Variants in BICD1 observed in about 807,000 individuals in gnomAD.
BICD1 encodes BICD cargo adaptor 1, also known as protein bicaudal D homolog 1.
In BICD1, 35 loss-of-function variants were observed where a neutral mutation model predicts 92.5. The observed-to-expected ratio is 0.38, with a 90% CI of 0.29 to 0.50. The LOEUF (loss-of-function observed/expected upper bound fraction) is 0.50. Among genes scored for constraint, BICD1 ranks in the 20% least tolerant of loss-of-function variants. The probability of loss-of-function intolerance (pLI) is 0.93; values close to 1 mark genes in which losing one functional copy is unlikely to be tolerated. For missense variants in BICD1, 950 were observed against 1,189.8 expected (o/e 0.80, Z 2.97); for synonymous variants, 429 against 465.1 (o/e 0.92, Z 1.00).
At chr12:32,135,083 C>T (rs1383961695) in intron 1 of BICD1, among the ~76,000 whole-genome samples, 3 of 74,528 alleles carry the variant, frequency 4.0e-5, no homozygotes, top group South Asian at 4.1e-4. Context: ...TTCCCCGCTC[C>T]CCTCCTTTAT....
At chr12:32,116,190 C>T (rs1184829145) in intron 1 of BICD1, among the ~76,000 whole-genome samples, 2 of 151,886 alleles carry the variant, frequency 1.3e-5, no homozygotes, top group African/African-American at 4.8e-5. Context: ...AGCTCTAAAT[C>T]TCTGAGATGG....
intron 4 of BICD1, among the ~76,000 whole-genome samples, chr12:32,309,705 T>C (rs1781446264): frequency 6.6e-6 from 1 of 152,196 alleles, no homozygotes; most frequent in Non-Finnish European, 1.5e-5. Flanking sequence ...ACTGTCCTGT[T>C]GGGCGGCTGT....
chr12:32,128,685 A>G (rs1249409753), intron 1 of BICD1, among the ~76,000 whole-genome samples: 1 of 152,210 alleles, frequency 6.6e-6, no homozygotes, highest in Non-Finnish European at 1.5e-5. Context: ...TATATTTTCA[A>G]GCCAAAATAC....
At chr12:32,300,631 ATTTTTTTTTTTTTTTTT>A (rs34219566) in intron 3 of BICD1, among the ~76,000 whole-genome samples, 2 of 80,566 alleles carry the variant, frequency 2.5e-5, no homozygotes, top group African/African-American at 3.9e-5. Flanking sequence ...ACTTTACAGT[ATTTTTTTTTTTTTTTTT>A]TTTTTTTTTT....
chr12:32,376,881 G>T (rs900008341), intron 9 of BICD1, among the ~76,000 whole-genome samples: 11 of 144,218 alleles, frequency 7.6e-5, no homozygotes, highest in Non-Finnish European at 6.1e-5. Flanking sequence ...AAAAAAGGGG[G>T]GGGGGGGTGA....
intron 1 of BICD1, among the ~76,000 whole-genome samples, chr12:32,185,049 C>A (rs893460638): frequency 1.3e-5 from 2 of 152,170 alleles, no homozygotes; most frequent in Non-Finnish European, 2.9e-5. Context: ...ATAACCACCC[C>A]ACAAGAACTC....
intron 1 of BICD1, among the ~76,000 whole-genome samples, chr12:32,208,225 A>G (rs1204150243): frequency 6.6e-6 from 1 of 152,250 alleles, no homozygotes; most frequent in Non-Finnish European, 1.5e-5. Context: ...ATTTAAACCC[A>G]GATGCATTTG....
intron 2 of BICD1, among the ~76,000 whole-genome samples, chr12:32,252,228 A>T (rs939903874): frequency 5.1e-5 from 7 of 138,486 alleles, no homozygotes; most frequent in African/African-American, 8.2e-5. Context: ...TGTATATATT[A>T]TATATATAAC....
chr12:32,247,931 A>T (rs1355401420), intron 2 of BICD1, among the ~76,000 whole-genome samples: 3 of 138,094 alleles, frequency 2.2e-5, no homozygotes, highest in Non-Finnish European at 5.1e-5. Flanking sequence ...CTAAAAATAC[A>T]AAAATTAGCC....
chr12:32,191,762 T>C (rs2121530908), intron 1 of BICD1, among the ~76,000 whole-genome samples: 1 of 149,378 alleles, frequency 6.7e-6, no homozygotes, highest in South Asian at 2.1e-4. Flanking sequence ...ACAATAGTAA[T>C]TGCTTTGGGG....
chr12:32,262,882 G>A (rs930495337), intron 2 of BICD1, among the ~76,000 whole-genome samples: 23 of 152,254 alleles, frequency 1.5e-4, no homozygotes, highest in East Asian at 1.4e-3. Flanking sequence ...GGTGGCTCAC[G>A]CCTGTAATCC....
At chr12:32,145,326 G>A (rs1943070303) in intron 1 of BICD1, among the ~76,000 whole-genome samples, 1 of 152,204 alleles carries the variant, frequency 6.6e-6, no homozygotes, top group South Asian at 2.1e-4. Flanking sequence ...GCCACAGACA[G>A]GTGCAGAGTA....
At chr12:32,361,626 A>G (rs560816241) in intron 8 of BICD1, among the ~76,000 whole-genome samples, 2 of 152,152 alleles carry the variant, frequency 1.3e-5, no homozygotes, top group East Asian at 3.9e-4. Flanking sequence ...GAGAACTCAG[A>G]GGACAGAGAT....
chr12:32,264,878 C>A (rs1258437588), intron 2 of BICD1, among the ~76,000 whole-genome samples: 1 of 152,114 alleles, frequency 6.6e-6, no homozygotes, highest in African/African-American at 2.4e-5. Flanking sequence ...GAGGCAGAGA[C>A]CTTGTCCTGT....
At chr12:32,169,786 C>G (rs1943882549) in intron 1 of BICD1, among the ~76,000 whole-genome samples, 1 of 148,766 alleles carries the variant, frequency 6.7e-6, no homozygotes, top group Non-Finnish European at 1.5e-5. Context: ...GACAGAGTCT[C>G]ACTGTGTTGC....
chr12:32,120,441 A>AT (rs1942101034), intron 1 of BICD1, among the ~76,000 whole-genome samples: 1 of 152,224 alleles, frequency 6.6e-6, no homozygotes, highest in African/African-American at 2.4e-5. Flanking sequence ...TGGGTCTGTG[A>AT]TAGAAGGTTC....
At chr12:32,373,160 A>G (rs530093838) in intron 9 of BICD1, among the ~76,000 whole-genome samples, 1 of 152,332 alleles carries the variant, frequency 6.6e-6, no homozygotes, top group East Asian at 1.9e-4. Flanking sequence ...GCCATTTACA[A>G]CATGATCTAC....
intron 1 of BICD1, among the ~76,000 whole-genome samples, chr12:32,127,923 A>G (rs1484371621): frequency 1.0e-5 from 1 of 95,434 alleles, no homozygotes; most frequent in Non-Finnish European, 2.2e-5. Context: ...TTTTTTTTTG[A>G]GACAGACTCT....
intron 9 of BICD1, among the ~76,000 whole-genome samples, chr12:32,370,359 G>GAA (rs112090333): frequency 1.1e-4 from 14 of 124,016 alleles, no homozygotes; most frequent in African/African-American, 3.5e-4. Flanking sequence ...GAGCAAAAAA[G>GAA]AAAAAAAAAA....
Sources: allele counts gnomAD v4.1 joint callset (sites outside exome capture counted in the v4.1 genomes callset), GRCh38; gene constraint gnomAD v4.1.1; transcripts MANE v1.5; gene names NCBI Gene and HGNC (gene_info 2026-07-23, HGNC 2026-07-21).